The following NSUN6 variants were observed in gnomAD, a reference collection of about 807,000 sequenced individuals.
NSUN6 encodes the protein NOP2/Sun RNA methyltransferase 6.
In NSUN6, 64 loss-of-function variants were observed where a neutral mutation model predicts 58.0. That is an observed-to-expected ratio of 1.10 (90% CI 0.90 to 1.36). The LOEUF is 1.36. NSUN6 is among the 40% of genes most tolerant of loss of function. The pLI is 0.00. For synonymous variants in NSUN6, 231 were observed against 193.9 expected (o/e 1.19, Z -1.59); for missense variants, 701 against 550.1 (o/e 1.27, Z -2.74).
chr10:18,590,171 C>A (rs1201824684), intron 7 of NSUN6, among the ~76,000 whole-genome samples: 1 of 152,158 alleles, frequency 6.6e-6, no homozygotes, highest in Non-Finnish European at 1.5e-5. Flanking sequence ...AAGGGCATTA[C>A]ATAATGACAA....
Position 18,619,323 on chromosome 10 carries a change from G to GGCT in NSUN6, c.312-3033_312-3031dup, listed in dbSNP as rs2058519288. Reference sequence around the variant, plus strand: ...GACCTTTATGACGGAGGGAACTTACGGCTGCGCATTCTCAGAAACACATTT... The same window carrying GGCT: ...GACCTTTATGACGGAGGGAACTTACGGCTGCTGCGCATTCTCAGAAACACATTT... On this transcript the variant is annotated intron_variant, in intron 3 of 10. Transcript: ENST00000377304. Among the ~76,000 whole-genome samples the GGCT allele has an allele frequency of 2.0e-5, 3 of 152,260 alleles. No homozygotes were observed. In the South Asian group the frequency reaches 6.2e-4, roughly 32 times the overall value.
upstream of NSUN6, chr10:18,652,504 T>C (rs988588200): frequency 4.1e-6 from 4 of 983,778 alleles, no homozygotes; most frequent in Admixed American, 1.2e-4. Context: ...CCAGAAAGAG[T>C]AGAAAATAAT....
At chr10:18,632,849 G>C (rs2059083650) in intron 3 of NSUN6, among the ~76,000 whole-genome samples, 1 of 152,176 alleles carries the variant, frequency 6.6e-6, no homozygotes, top group Admixed American at 6.5e-5. Flanking sequence ...TCAGTGCAGT[G>C]ATTCCTCAGG....
At chr10:18,572,663 TTCCATTC>T (rs2056435894) in intron 8 of NSUN6, among the ~76,000 whole-genome samples, 1 of 151,480 alleles carries the variant, frequency 6.6e-6, no homozygotes, top group Non-Finnish European at 1.5e-5. Flanking sequence ...CTTCATTCCA[TTCCATTC>T]TCCATTCTCT....
intron 8 of NSUN6, among the ~76,000 whole-genome samples, chr10:18,571,453 T>C (rs879557318): frequency 6.7e-6 from 1 of 150,060 alleles, no homozygotes; most frequent in Non-Finnish European, 1.5e-5. Context: ...AACCATTCTC[T>C]ATTCCATTCC....
chr10:18,552,632 T>C (rs776157584), intron 8 of NSUN6, among the ~76,000 whole-genome samples: 14 of 151,918 alleles, frequency 9.2e-5, no homozygotes, highest in Non-Finnish European at 1.8e-4. Flanking sequence ...TTCCATTTCA[T>C]TCCGCATTCC....
chr10:18,590,231 CAATACAGG>C (rs1382292410), intron 7 of NSUN6, among the ~76,000 whole-genome samples: 1 of 152,076 alleles, frequency 6.6e-6, no homozygotes, highest in Non-Finnish European at 1.5e-5. Context: ...TATATGCACC[CAATACAGG>C]AGCACCCAGA....
At chr10:18,548,335 G>C in intron 9 of NSUN6, 98 bp from the exon 10 acceptor site, 1 of 1,076,402 alleles carries the variant, frequency 9.3e-7, no homozygotes, top group Non-Finnish European at 1.3e-6. Flanking sequence ...AAATGTTTGG[G>C]ATAAATAAAA....
chr10:18,583,641 A>G (rs1045761208), intron 8 of NSUN6, among the ~76,000 whole-genome samples: 11 of 152,190 alleles, frequency 7.2e-5, no homozygotes, highest in African/African-American at 2.7e-4. Flanking sequence ...ATGTAAAGGG[A>G]GATATGGTCG....
upstream of NSUN6, among the ~76,000 whole-genome samples, chr10:18,658,841 GATCA>G (rs754216438): frequency 2.3e-4 from 35 of 152,156 alleles, no homozygotes; most frequent in African/African-American, 4.6e-4. Context: ...GTCTGCAATC[GATCA>G]ATCAATCAAT....
intron 8 of NSUN6, among the ~76,000 whole-genome samples, chr10:18,573,407 T>C (rs1390231462): frequency 6.6e-6 from 1 of 151,606 alleles, no homozygotes; most frequent in Non-Finnish European, 1.5e-5. Flanking sequence ...CTCCCTTCCA[T>C]TCCATCGGTT....
rs1458365218 is a variant in NSUN6 at position 18,559,442 on chromosome 10, G to A, written c.923-7471C>T. On this transcript the variant is annotated intron_variant, in intron 8 of 10. Transcript: ENST00000377304. ...ATGGAATGGAATGGAGAATGGAACA[G>A]AATGGAGAATGGATTGGAATGGAAT... 2.7e-5 allele frequency among the ~76,000 whole-genome samples: 4 copies of A among 150,912 alleles called. No homozygotes were observed. In the South Asian group the frequency reaches 8.4e-4, roughly 32 times the overall value.
At chr10:18,639,201 A>G (rs2088847590) in intron 3 of NSUN6, among the ~76,000 whole-genome samples, 1 of 152,208 alleles carries the variant, frequency 6.6e-6, no homozygotes, top group Non-Finnish European at 1.5e-5. Context: ...AAAGTCAAAA[A>G]GAGACTTAAT....
rs117065711 is a variant in NSUN6, at chr10:18,602,081, T to G, written c.658-5754A>C. ...ATGGTGGGGTTGTTTTGTTTTGTTT[T>G]GAGATGGTGTTTCGCTCTGTCACCC... is the stretch of plus-strand genomic sequence containing the variant. On this transcript the variant is annotated intron_variant, in intron 6 of 10. Transcript: ENST00000377304. Among the ~76,000 whole-genome samples the G allele has an allele frequency of 0.03, 4,498 of 151,786 alleles. 390 individuals carry two copies. In the East Asian group the frequency reaches 0.37, roughly 12 times the overall value.
intron 3 of NSUN6, among the ~76,000 whole-genome samples, chr10:18,631,173 T>C (rs1377799042): frequency 2.6e-5 from 4 of 152,188 alleles, no homozygotes; most frequent in African/African-American, 9.6e-5. Flanking sequence ...TCTCAACAGA[T>C]GCAGAAAAGG....
At chr10:18,642,803 A>T (rs1027316374) in intron 2 of NSUN6, among the ~76,000 whole-genome samples, 3 of 152,196 alleles carry the variant, frequency 2.0e-5, no homozygotes, top group Non-Finnish European at 4.4e-5. Context: ...CATTATAAAC[A>T]CAAACCGTGG....
chr10:18,553,903 AATGGAATGGAATGGAATGGAGAACGGT>A (rs1010375932), intron 8 of NSUN6, among the ~76,000 whole-genome samples: 1 of 150,294 alleles, frequency 6.7e-6, no homozygotes, highest in East Asian at 2.0e-4. Context: ...TGAGATGGAG[AATGGAATGGAATGGAATGGAGAACGGT>A]ATGGAATGGA....
At chr10:18,641,493 A>G (rs1270105823) in intron 3 of NSUN6, among the ~76,000 whole-genome samples, 1 of 151,754 alleles carries the variant, frequency 6.6e-6, no homozygotes, top group Non-Finnish European at 1.5e-5. Context: ...AGCCTCCTGA[A>G]TAGCCGTGAC....
At chr10:18,658,673 A>G (rs1442030170), upstream of NSUN6, 4 of 983,086 alleles carry the variant, frequency 4.1e-6, no homozygotes, top group Admixed American at 6.2e-5. Context: ...CAGGCCTTCC[A>G]TGGCTCGTCT....
Sources: allele counts gnomAD v4.1 joint callset (sites outside exome capture counted in the v4.1 genomes callset), GRCh38; gene constraint gnomAD v4.1.1; transcripts MANE v1.5; gene names NCBI Gene and HGNC (gene_info 2026-07-23, HGNC 2026-07-21).